Variants in TFEC observed in about 807,000 individuals in gnomAD.
The protein encoded by TFEC is class E basic helix-loop-helix protein 34.
In TFEC, 31 loss-of-function variants were observed where a neutral mutation model predicts 41.6. The observed-to-expected ratio is 0.74, with a 90% CI of 0.56 to 1.01. The LOEUF (loss-of-function observed/expected upper bound fraction) is 1.01. Among genes scored for constraint, TFEC ranks in the 50% least tolerant of loss-of-function variants. TFEC has a pLI of 0.00. For missense variants in TFEC, 402 were observed against 404.1 expected (o/e 0.99, Z 0.04); for synonymous variants, 143 against 140.6 (o/e 1.02, Z -0.12).
rs373699697 is a variant in TFEC, at chr7:116,148,455, G to A, written c.-69+11335C>T. Among the ~76,000 whole-genome samples, 32 of 152,300 alleles carry A rather than the reference G, an allele frequency of 2.1e-4. 1 individual carries two copies. Among genetic ancestry groups the A allele is most frequent in the African/African-American group, 7.2e-4 (30 of 41,580 alleles). On this transcript the variant is annotated intron_variant, in intron 1 of 8. Coordinates refer to the TFEC transcript ENST00000484212. The stretch of plus-strand genomic sequence containing the variant: ...CAGAATCCACGAACAGAGCAATGGA[G>A]TGGTGAGAAGTGGTTGTTTCAGAGC...
In TFEC at chr7:115,956,812, G is replaced by A. The variant is rs761437731; in HGVS notation, c.268-19C>T. The A allele has an allele frequency of 2.0e-6, 3 of 1,494,288 alleles. No homozygotes were observed. The South Asian group carries it at 4.0e-5, about 20-fold the overall frequency. The allele number at this position is 1,494,288 out of a possible 1,614,324, so 92.6% of individuals were successfully genotyped here. A position where few individuals can be genotyped will look rare whatever the true frequency, so the allele number is the denominator to read the frequency against. ...CAGATAACTTGAGAGGAAAAAGGAA[G>A]AAAAGATTAATAAAAACCTTCTGTG... On this transcript the variant is annotated intron_variant, in intron 3 of 7. Transcript: ENST00000265440.
In TFEC at chr7:115,950,854, G is replaced by A. The variant is rs776708374; in HGVS notation, c.515+20C>T. On this transcript the variant is annotated intron_variant, in intron 6 of 7. Transcript: ENST00000265440. ...GTCTTTAAATTATAACATTATTATA[G>A]AAATGATTGTTGAACTCACGGATCA... 8 of 1,570,304 alleles carry A rather than the reference G, an allele frequency of 5.1e-6. No homozygotes were observed. In the East Asian group the frequency reaches 1.8e-4, roughly 36 times the overall value.
intron 1 of TFEC, among the ~76,000 whole-genome samples, chr7:116,022,848 T>C (rs1022668391): frequency 3.3e-5 from 5 of 152,192 alleles, no homozygotes; most frequent in African/African-American, 1.2e-4. Flanking sequence ...CATTGAACTA[T>C]ACGTTTTACC....
intron 3 of TFEC, among the ~76,000 whole-genome samples, chr7:116,109,357 G>T (rs938263806): frequency 9.2e-5 from 14 of 152,146 alleles, no homozygotes; most frequent in African/African-American, 2.9e-4. Context: ...AATCTACAAA[G>T]AACTCAAACA....
At chr7:116,061,913 T>C (rs1036806874) in intron 3 of TFEC, among the ~76,000 whole-genome samples, 1 of 152,060 alleles carries the variant, frequency 6.6e-6, no homozygotes, top group Non-Finnish European at 1.5e-5. Flanking sequence ...TTTATTAGGA[T>C]GACTAAAATG....
At chr7:116,027,268 C>G (rs1179571679) in intron 1 of TFEC, among the ~76,000 whole-genome samples, 1 of 151,928 alleles carries the variant, frequency 6.6e-6, no homozygotes, top group Admixed American at 6.6e-5. Context: ...AAGATATAGC[C>G]AAATATTTGA....
intron 3 of TFEC, among the ~76,000 whole-genome samples, chr7:116,093,931 G>A (rs1267704412): frequency 6.6e-6 from 1 of 152,126 alleles, no homozygotes; most frequent in East Asian, 1.9e-4. Flanking sequence ...CAAAACTTTT[G>A]TGCATAAGGT....
intron 1 of TFEC, among the ~76,000 whole-genome samples, chr7:116,124,466 G>A (rs1195576323): frequency 1.3e-5 from 2 of 152,062 alleles, no homozygotes; most frequent in Non-Finnish European, 2.9e-5. Flanking sequence ...TCAAACTTTG[G>A]CGTATAATTC....
intron 1 of TFEC, among the ~76,000 whole-genome samples, chr7:116,001,799 G>GA (rs982136422): frequency 2.0e-5 from 3 of 151,858 alleles, no homozygotes; most frequent in Admixed American, 2.0e-4. Context: ...ACACTCTATA[G>GA]AAAAAAATCT....
At chr7:116,087,244 C>A (rs1797222538) in intron 3 of TFEC, among the ~76,000 whole-genome samples, 1 of 151,924 alleles carries the variant, frequency 6.6e-6, no homozygotes, top group African/African-American at 2.4e-5. Flanking sequence ...ATATAAAAAA[C>A]TCTTAAATAT....
chr7:115,948,284 T>A (rs1303776481), intron 6 of TFEC, among the ~76,000 whole-genome samples: 2 of 151,722 alleles, frequency 1.3e-5, no homozygotes, highest in African/African-American at 4.8e-5. Flanking sequence ...GAGGAACTGG[T>A]ACCATTCCTT....
chr7:116,072,257 T>C (rs751179558), intron 3 of TFEC, among the ~76,000 whole-genome samples: 1 of 151,616 alleles, frequency 6.6e-6, no homozygotes, highest in Admixed American at 6.6e-5. Context: ...ATAGTTTTAT[T>C]GCTTCTTTTC....
At chr7:116,102,211 T>A (rs1358846079) in intron 3 of TFEC, among the ~76,000 whole-genome samples, 1 of 152,162 alleles carries the variant, frequency 6.6e-6, no homozygotes, top group Non-Finnish European at 1.5e-5. Context: ...AACCATGTGA[T>A]TTATTTACTC....
intron 3 of TFEC, among the ~76,000 whole-genome samples, chr7:116,076,437 C>A (rs993356837): frequency 6.6e-6 from 1 of 151,812 alleles, no homozygotes; most frequent in South Asian, 2.1e-4. Flanking sequence ...CTCTGAATTG[C>A]CAGAAAAAGA....
At chr7:115,985,052 G>A (rs1273048871) in intron 1 of TFEC, among the ~76,000 whole-genome samples, 1 of 151,764 alleles carries the variant, frequency 6.6e-6, no homozygotes, top group African/African-American at 2.4e-5. Context: ...CTACTTTTCT[G>A]TACTTCCCTA....
intron 1 of TFEC, among the ~76,000 whole-genome samples, chr7:116,004,629 A>C (rs1301915832): frequency 6.6e-6 from 1 of 152,210 alleles, no homozygotes; most frequent in Non-Finnish European, 1.5e-5. Flanking sequence ...AATACAGTCC[A>C]ATATTAAAAT....
intron 3 of TFEC, among the ~76,000 whole-genome samples, chr7:115,966,349 T>A (rs1792848412): frequency 6.6e-6 from 1 of 151,596 alleles, no homozygotes. Context: ...AATCTGTGAA[T>A]TTATATATGG....
chr7:115,993,144 C>T (rs1794201963), intron 1 of TFEC, among the ~76,000 whole-genome samples: 1 of 152,236 alleles, frequency 6.6e-6, no homozygotes. Flanking sequence ...AGGCCTTTCA[C>T]AAAATTCAAT....
intron 1 of TFEC, among the ~76,000 whole-genome samples, chr7:116,017,121 C>A (rs1328245745): frequency 2.6e-5 from 4 of 152,210 alleles, no homozygotes; most frequent in Admixed American, 2.6e-4. Context: ...TTTCCTCCAA[C>A]CCTCTCCAAT....
Sources: allele counts gnomAD v4.1 joint callset (sites outside exome capture counted in the v4.1 genomes callset), GRCh38; gene constraint gnomAD v4.1.1; transcripts MANE v1.5; gene names NCBI Gene and HGNC (gene_info 2026-07-23, HGNC 2026-07-21).